SPATA31H1: variants seen among roughly 807,000 people sequenced by gnomAD.
SPATA31H1 encodes spermatogenesis-associated protein 31H1.
chr2:27,563,680 C>T, the SPATA31H1 span, among the ~76,000 whole-genome samples: 1 of 151,924 alleles, frequency 6.6e-6, no homozygotes, highest in African/African-American at 2.4e-5. Flanking sequence ...CTGCCTCAGC[C>T]TCCCAAGTAG....
chr2:27,581,567 CT>C, the SPATA31H1 span: 1 of 1,463,242 alleles, frequency 6.8e-7, no homozygotes, highest in African/African-American at 1.5e-5. Context: ...ATCGCAGTTC[CT>C]CTGAGAGAAG....
the SPATA31H1 span, chr2:27,566,590 T>G: frequency 1.7e-6 from 1 of 580,992 alleles, no homozygotes; most frequent in Non-Finnish European, 3.1e-6. Context: ...GAGAAATTAT[T>G]TCTATAAGTA....
the SPATA31H1 span, among the ~76,000 whole-genome samples, chr2:27,564,163 G>C: frequency 6.6e-6 from 1 of 152,226 alleles, no homozygotes; most frequent in Non-Finnish European, 1.5e-5. Flanking sequence ...CTCCAAGCCA[G>C]TATGAGGATA....
the SPATA31H1 span, among the ~76,000 whole-genome samples, chr2:27,562,842 G>A: frequency 6.7e-5 from 10 of 148,406 alleles, no homozygotes; most frequent in African/African-American, 1.2e-4. Context: ...AGCTGAGATC[G>A]CGCCACTGCA....
the SPATA31H1 span, chr2:27,580,382 T>C: frequency 1.1e-5 from 18 of 1,613,960 alleles, no homozygotes; most frequent in East Asian, 2.7e-4. Flanking sequence ...CTGAAAGCAC[T>C]CAGAATGAAA....
the SPATA31H1 span, among the ~76,000 whole-genome samples, chr2:27,540,655 T>G: frequency 5.0e-5 from 6 of 120,048 alleles, no homozygotes; most frequent in South Asian, 2.9e-4. Flanking sequence ...AGGCAGAGGG[T>G]TTCCTCACTT....
chr2:27,550,123 A>C, the SPATA31H1 span, among the ~76,000 whole-genome samples: 2 of 151,432 alleles, frequency 1.3e-5, no homozygotes, highest in Admixed American at 1.3e-4. Context: ...TGATAATTTT[A>C]TTTCTTTCTT....
the SPATA31H1 span, among the ~76,000 whole-genome samples, chr2:27,551,774 T>A: frequency 1.3e-5 from 2 of 152,030 alleles, no homozygotes; most frequent in African/African-American, 2.4e-5. Context: ...TAATTCTAAA[T>A]GTTAAGCACA....
chr2:27,556,711 A>C, the SPATA31H1 span, among the ~76,000 whole-genome samples: 1 of 134,550 alleles, frequency 7.4e-6, no homozygotes, highest in East Asian at 2.1e-4. Context: ...TTTTTAATTA[A>C]TTTATTTTTT....
chr2:27,555,491 G>GT, the SPATA31H1 span, among the ~76,000 whole-genome samples: 1 of 151,972 alleles, frequency 6.6e-6, no homozygotes, highest in Admixed American at 6.5e-5. Context: ...GGGAAACACA[G>GT]TAAGATCCCA....
At chr2:27,564,751 C>T in the SPATA31H1 span, among the ~76,000 whole-genome samples, 165 of 151,658 alleles carry the variant, frequency 1.1e-3, 1 homozygote, top group African/African-American at 3.6e-3. Context: ...TGCAGTGAGC[C>T]GAGATGGCAC....
the SPATA31H1 span, chr2:27,572,469 T>C: frequency 2.5e-6 from 1 of 398,320 alleles, no homozygotes; most frequent in Non-Finnish European, 4.4e-6. Flanking sequence ...AGCATCTAAA[T>C]TGGTTCTAGA....
the SPATA31H1 span, among the ~76,000 whole-genome samples, chr2:27,547,847 T>C: frequency 6.6e-6 from 1 of 152,070 alleles, no homozygotes; most frequent in Non-Finnish European, 1.5e-5. Context: ...CTCTCTTACC[T>C]TATTATTTTG....
the SPATA31H1 span, chr2:27,581,067 G>A: frequency 6.2e-7 from 1 of 1,614,034 alleles, no homozygotes; most frequent in African/African-American, 1.3e-5. Context: ...CTCCAGCCAG[G>A]AGTCTAAGAA....
At chr2:27,580,322 A>G in the SPATA31H1 span, 26 of 1,614,070 alleles carry the variant, frequency 1.6e-5, no homozygotes, top group Non-Finnish European at 2.2e-5. Context: ...AAACTAGAGC[A>G]CCTGGGCACT....
At chr2:27,568,828 T>A in the SPATA31H1 span, 1 of 398,792 alleles carries the variant, frequency 2.5e-6, no homozygotes, top group South Asian at 1.3e-4. Context: ...TATGGGGAAC[T>A]GAACAAAGGG....
the SPATA31H1 span, chr2:27,566,181 C>T: frequency 1.4e-6 from 1 of 713,232 alleles, no homozygotes; most frequent in Non-Finnish European, 2.6e-6. Flanking sequence ...TGTTTTACTT[C>T]CTTCACTGTG....
the SPATA31H1 span, chr2:27,567,382 A>G: frequency 4.2e-6 from 2 of 480,614 alleles, no homozygotes; most frequent in Non-Finnish European, 7.3e-6. Context: ...ACTGAAGTAC[A>G]AGGAGGAGTT....
chr2:27,577,567 C>G, the SPATA31H1 span: 1 of 1,614,158 alleles, frequency 6.2e-7, no homozygotes. The surrounding 1 kb of genome is among the most constrained non-coding windows in gnomAD (Gnocchi z 4.5). Flanking sequence ...GGGGAAGAAT[C>G]TGTGGTATTG....
Sources: allele counts gnomAD v4.1 joint callset (sites outside exome capture counted in the v4.1 genomes callset), GRCh38; gene constraint gnomAD v4.1.1; non-coding constraint Gnocchi (gnomAD v3.1); transcripts MANE v1.5; gene names NCBI Gene and HGNC (gene_info 2026-07-23, HGNC 2026-07-21).